Variants in PRKN observed in about 807,000 individuals in gnomAD.
The protein encoded by PRKN is E3 ubiquitin-protein ligase parkin.
PRKN carries 56 observed loss-of-function variants against 59.5 expected under a neutral mutation model. That is an observed-to-expected ratio of 0.94 (90% CI 0.76 to 1.18). The LOEUF is 1.18. Among genes scored for constraint, PRKN ranks in the 50% most tolerant of loss-of-function variants. The pLI is 0.00. For synonymous variants in PRKN, 250 were observed against 222.1 expected (o/e 1.13, Z -1.12); for missense variants, 657 against 596.4 (o/e 1.10, Z -1.06).
At chr6:162,279,387 G>A in intron 2 of PRKN, among the ~76,000 whole-genome samples, 1 of 147,428 alleles carries the variant, frequency 6.8e-6, no homozygotes, top group Non-Finnish European at 1.5e-5. Context: ...GAGAGAGAGG[G>A]AAAGAAAGAA....
chr6:162,379,150 T>C (rs749432551), intron 2 of PRKN, among the ~76,000 whole-genome samples: 1 of 152,292 alleles, frequency 6.6e-6, no homozygotes, highest in African/African-American at 2.4e-5. Context: ...CTCTAAACTA[T>C]ATTTGGCCTA....
At chr6:162,655,404 G>T (rs776971520) in intron 1 of PRKN, among the ~76,000 whole-genome samples, 3 of 152,012 alleles carry the variant, frequency 2.0e-5, no homozygotes, top group Non-Finnish European at 2.9e-5. Flanking sequence ...ATAACTGTGT[G>T]GTCTTCCAGA....
At chr6:162,393,772 T>G (rs2128146018) in intron 2 of PRKN, among the ~76,000 whole-genome samples, 1 of 152,332 alleles carries the variant, frequency 6.6e-6, no homozygotes, top group Non-Finnish European at 1.5e-5. Flanking sequence ...AGGAGCATCA[T>G]AACTCTCACC....
chr6:162,615,474 C>A (rs546236225), intron 1 of PRKN, among the ~76,000 whole-genome samples: 1 of 151,908 alleles, frequency 6.6e-6, no homozygotes, highest in Non-Finnish European at 1.5e-5. Context: ...GCACACAGAC[C>A]TATGTACACC....
At chr6:161,439,936 T>TTTCTG (rs1554261480) in intron 9 of PRKN, among the ~76,000 whole-genome samples, 1 of 146,894 alleles carries the variant, frequency 6.8e-6, no homozygotes, top group African/African-American at 2.5e-5. Flanking sequence ...GTTTTTTTGT[T>TTTCTG]TTTTGTTTTG....
At chr6:161,633,997 A>AC (rs1783414066) in intron 7 of PRKN, among the ~76,000 whole-genome samples, 1 of 142,020 alleles carries the variant, frequency 7.0e-6, no homozygotes, top group Admixed American at 7.1e-5. Context: ...GGAAAACTTA[A>AC]ACACACACAC....
intron 1 of PRKN, among the ~76,000 whole-genome samples, chr6:162,535,670 A>G (rs71567653): frequency 0.084 from 12,807 of 152,120 alleles, 700 homozygotes; most frequent in South Asian, 0.18. Flanking sequence ...GCACTTTGGG[A>G]GGCCGAGGTG....
Position 161,538,984 on chromosome 6 carries a change from A to T in PRKN, c.1083+9870T>A, listed in dbSNP as rs1023487489. On this transcript the variant is annotated intron_variant, in intron 9 of 11. Coordinates refer to ENST00000366898, the MANE Select transcript of PRKN (RefSeq NM_004562.3). This position sits in a 1 kb window ranked among gnomAD's most constrained non-coding sequence, Gnocchi z 4.2. ...GTGTTCCTGTTTCGTGTGAAGAGTG[A>T]GGGCGTGCTGCTTCTTCATCATGCC... 6.6e-6 allele frequency among the ~76,000 whole-genome samples: 1 copy of T among 152,180 alleles called. No individual in the cohort carries two copies. Among genetic ancestry groups the T allele is most frequent in the African/African-American group, 2.4e-5 (1 of 41,456 alleles).
chr6:161,451,146 T>A lies in PRKN; in HGVS notation c.1084-64269A>T, dbSNP rs1789724421. On this transcript the variant is annotated intron_variant, in intron 9 of 11. Transcript: ENST00000366898. The surrounding 1 kb of genome is among the most constrained non-coding windows in gnomAD (Gnocchi z 5.9). ...CTGCATGACGTGTTTCCATGTTATTTCTCTTAGGTCCCAGCACCGCAGAAA... is the reference window on the plus strand; with the variant it reads ...CTGCATGACGTGTTTCCATGTTATTACTCTTAGGTCCCAGCACCGCAGAAA... Among the ~76,000 whole-genome samples, 1 of 152,100 alleles carries A rather than the reference T, an allele frequency of 6.6e-6. No individual in the cohort carries two copies. The highest frequency in any genetic ancestry group is 2.1e-4 in the South Asian group (1 of 4,814).
At chr6:162,115,297 A>G (rs1273595884) in intron 4 of PRKN, among the ~76,000 whole-genome samples, 1 of 150,594 alleles carries the variant, frequency 6.6e-6, no homozygotes, top group Non-Finnish European at 1.5e-5. Flanking sequence ...TTGAATAATG[A>G]GAACACATGG....
At chr6:162,025,047 G>A (rs766366260) in intron 5 of PRKN, among the ~76,000 whole-genome samples, 5 of 131,802 alleles carry the variant, frequency 3.8e-5, no homozygotes, top group African/African-American at 5.9e-5. Context: ...ACGGAGTCTC[G>A]CTCTGTCGCC....
intron 3 of PRKN, among the ~76,000 whole-genome samples, chr6:162,222,844 T>C (rs1389122548): frequency 6.6e-6 from 1 of 152,132 alleles, no homozygotes; most frequent in South Asian, 2.1e-4. Flanking sequence ...TTTTCTTTTT[T>C]TTAATTTTAT....
chr6:162,349,765 GGCTTTCCCCTTA>G (rs1562692568), intron 2 of PRKN, among the ~76,000 whole-genome samples: 1 of 152,120 alleles, frequency 6.6e-6, no homozygotes. Flanking sequence ...AAAGACTGAA[GGCTTTCCCCTTA>G]AAAGGAGGAA....
chr6:162,251,407 G>C (rs765142636), intron 3 of PRKN, among the ~76,000 whole-genome samples: 1 of 152,124 alleles, frequency 6.6e-6, no homozygotes, highest in Non-Finnish European at 1.5e-5. Flanking sequence ...GGGGAGCCCA[G>C]GTTATGTAAA....
At chr6:162,234,712 C>G (rs1015434038) in intron 3 of PRKN, among the ~76,000 whole-genome samples, 2 of 151,850 alleles carry the variant, frequency 1.3e-5, no homozygotes, top group Non-Finnish European at 1.5e-5. Context: ...GCTTTTCCAC[C>G]AAGTATTTTT....
intron 6 of PRKN, among the ~76,000 whole-genome samples, chr6:161,898,634 G>T (rs1297249067): frequency 1.3e-5 from 2 of 152,182 alleles, no homozygotes; most frequent in Non-Finnish European, 2.9e-5. Context: ...GCTGACAGTG[G>T]AATGTCATTT....
chr6:162,071,760 A>G (rs1778585339), intron 4 of PRKN, among the ~76,000 whole-genome samples: 2 of 151,590 alleles, frequency 1.3e-5, no homozygotes, highest in African/African-American at 4.8e-5. Context: ...CACACCCACT[A>G]ATTTTTGTAT....
chr6:162,634,928 C>A (rs1777653601), intron 1 of PRKN, among the ~76,000 whole-genome samples: 1 of 152,154 alleles, frequency 6.6e-6, no homozygotes, highest in African/African-American at 2.4e-5. Flanking sequence ...TTCTTAGACT[C>A]CAGTTTTCTC....
Position 161,874,899 on chromosome 6 carries a change from TA to T in PRKN, c.735-88992del, listed in dbSNP as rs1483144749. Among the ~76,000 whole-genome samples, 130 of 109,118 alleles carry T rather than the reference TA, an allele frequency of 1.2e-3. 4 individuals are homozygous for T. Among genetic ancestry groups the T allele is most frequent in the African/African-American group, 5.0e-3 (124 of 24,694 alleles). The allele number at this position is 109,118 out of a possible 152,430, so 71.6% of individuals were successfully genotyped here. ...TATAAAATATATAATATATAATATA[TA>T]ATATATATTATAAAATATAAAATAT... On this transcript the variant is annotated intron_variant, in intron 6 of 11. Transcript: ENST00000366898.
Sources: allele counts gnomAD v4.1 joint callset (sites outside exome capture counted in the v4.1 genomes callset), GRCh38; gene constraint gnomAD v4.1.1; non-coding constraint Gnocchi (gnomAD v3.1); transcripts MANE v1.5; gene names NCBI Gene and HGNC (gene_info 2026-07-23, HGNC 2026-07-21).